The following ECT2L variants were observed in gnomAD, a reference collection of about 807,000 sequenced individuals.
The protein encoded by ECT2L is epithelial cell transforming 2 like, also known as epithelial cell-transforming sequence 2 oncogene-like.
Under a neutral mutation model 122.8 loss-of-function variants are expected in ECT2L, and 126 were observed. The observed-to-expected ratio is 1.03, with a 90% CI of 0.89 to 1.19. The LOEUF is 1.19. Ranked by LOEUF, ECT2L falls within the 50% of genes most tolerant of loss-of-function variation. The pLI is 0.00. For missense variants in ECT2L, 1,012 were observed against 1,064.1 expected (o/e 0.95, Z 0.68); for synonymous variants, 385 against 381.8 (o/e 1.01, Z -0.10).
chr6:138,898,795 T>A (rs1779297521), intron 20 of ECT2L, among the ~76,000 whole-genome samples: 1 of 152,090 alleles, frequency 6.6e-6, no homozygotes, highest in Admixed American at 6.6e-5. Flanking sequence ...TCCCCCCTTA[T>A]CCATGAGAAT....
At position 138,864,819 on chromosome 6, in the gene ECT2L, C is replaced by T. The variant is rs140171203; in HGVS notation, c.1292-177C>T. On this transcript the variant is annotated intron_variant, in intron 11 of 21. Coordinates refer to ENST00000541398, the MANE Select transcript of ECT2L (RefSeq NM_001077706.3). ...TTGAAATGATTCATTGAATCCTTTT[C>T]GAGTTTCTAATTTTACCTTTGAAAA... Among the ~76,000 whole-genome samples the T allele has an allele frequency of 1.5e-3, 234 of 152,250 alleles. 1 individual carries two copies. Among genetic ancestry groups the T allele is most frequent in the African/African-American group, 5.4e-3 (226 of 41,546 alleles).
intron 13 of ECT2L, among the ~76,000 whole-genome samples, chr6:138,873,896 G>GTGTGTGTGTGTGTGTGTGTGTGTGTA (rs1167591342): frequency 1.3e-5 from 2 of 149,694 alleles, no homozygotes; most frequent in Admixed American, 6.6e-5. Flanking sequence ...GTGTGTGTGT[G>GTGTGTGTGTGTGTGTGTGTGTGTGTA]TGTGTGTGTG....
chr6:138,827,199 T>C (rs368888230), intron 4 of ECT2L, among the ~76,000 whole-genome samples: 27 of 152,108 alleles, frequency 1.8e-4, no homozygotes, highest in African/African-American at 6.0e-4. Flanking sequence ...ATACAAAAAA[T>C]TAGCCAGGTG....
At chr6:138,861,117 C>T (rs1011700919) in intron 10 of ECT2L, among the ~76,000 whole-genome samples, 1 of 152,118 alleles carries the variant, frequency 6.6e-6, no homozygotes, top group African/African-American at 2.4e-5. Context: ...TTTTCTTTAT[C>T]CAGTCTACGA....
Position 138,862,295 on chromosome 6 carries a change from G to T in ECT2L, c.1199-332G>T, listed in dbSNP as rs534344738. ...TGGCATCTGCTTGGCATCTGGTGAG[G>T]GCCTCAGGGAGCTTATAATCACGGC... On this transcript the variant is annotated intron_variant, in intron 10 of 21. Transcript: ENST00000541398. Among the ~76,000 whole-genome samples, 7 of 152,248 alleles carry T rather than the reference G, an allele frequency of 4.6e-5. No individual in the cohort carries two copies. In the South Asian group the frequency reaches 1.5e-3, roughly 32 times the overall value.
At chr6:138,885,134 T>C (rs1778771913) in intron 16 of ECT2L, among the ~76,000 whole-genome samples, 1 of 150,186 alleles carries the variant, frequency 6.7e-6, no homozygotes, top group Non-Finnish European at 1.5e-5. Flanking sequence ...GTTCATGCCA[T>C]TCTTCTGCCT....
chr6:138,829,296 T>C (rs560206732), intron 4 of ECT2L, among the ~76,000 whole-genome samples: 1 of 152,206 alleles, frequency 6.6e-6, no homozygotes, highest in African/African-American at 2.4e-5. Flanking sequence ...GTATTAGGTA[T>C]TGCCGTAATA....
Position 138,882,857 on chromosome 6 carries a change from A to G in ECT2L, c.2014A>G (p.Lys672Glu), listed in dbSNP as rs1778689360. The G allele has an allele frequency of 6.2e-7, 1 of 1,614,128 alleles. No individual in the cohort carries two copies. Among genetic ancestry groups the G allele is most frequent in the Non-Finnish European group, 8.5e-7 (1 of 1,180,002 alleles). The change falls in exon 16 of 22, where the codon AAA becomes GAA. Residue 672 changes from lysine (K) to glutamate (E), a missense_variant. Physicochemically the swap from Lys to Glu is moderately conservative, Grantham distance 56 (BLOSUM62 1). Transcript: ENST00000541398. ...NFFNNYPVIL[K>E]TIEKCREMIP... The stretch of plus-strand genomic sequence containing the variant: ...CTTCAACAATTACCCTGTCATTCTG[A>G]AAACTATTGAGAAGGTAAATGAGTT...
Position 138,862,618 on chromosome 6 carries a change from A to G in ECT2L, c.1199-9A>G. The G allele has an allele frequency of 6.2e-7, 1 of 1,613,462 alleles. No homozygotes were observed. The highest frequency in any genetic ancestry group is 8.5e-7 in the Non-Finnish European group (1 of 1,179,416). On this transcript the variant is annotated splice_polypyrimidine_tract_variant and intron_variant, in intron 10 of 21. Transcript: ENST00000541398. The stretch of plus-strand genomic sequence containing the variant: ...GAGGAAACTAACGAAAGTGTTTTTG[A>G]CTATGCAGAGGCAGGAATTGAAGTT...
chr6:138,827,434 T>C (rs1053498418), intron 4 of ECT2L, among the ~76,000 whole-genome samples: 5 of 152,164 alleles, frequency 3.3e-5, no homozygotes, highest in East Asian at 1.9e-4. Flanking sequence ...CTAACACATA[T>C]ACAAACAATA....
At chr6:138,827,669 G>A (rs370795360) in intron 4 of ECT2L, among the ~76,000 whole-genome samples, 21 of 152,186 alleles carry the variant, frequency 1.4e-4, no homozygotes, top group Middle Eastern at 3.4e-3. Flanking sequence ...CAGTCCTCCT[G>A]CCTCTGAGCC....
chr6:138,865,234 C>T (rs1005794968), intron 12 of ECT2L, 56 bp downstream of exon 12: 31 of 1,482,928 alleles, frequency 2.1e-5, no homozygotes, highest in South Asian at 2.8e-5. Context: ...TTTCATATCC[C>T]GAGTAAATAC....
chr6:138,806,511 CTT>C (rs57786220), intron 1 of ECT2L, among the ~76,000 whole-genome samples: 1 of 89,670 alleles, frequency 1.1e-5, no homozygotes, highest in Non-Finnish European at 2.0e-5. Flanking sequence ...AAAATTCACG[CTT>C]TTTTTTTTTT....
At chr6:138,849,720 C>CG (rs1777364843) in intron 9 of ECT2L, among the ~76,000 whole-genome samples, 1 of 151,884 alleles carries the variant, frequency 6.6e-6, no homozygotes, top group Non-Finnish European at 1.5e-5. Context: ...AGGTGTGTGC[C>CG]GCCACGCCCA....
chr6:138,840,766 G>A (rs1777011831), intron 5 of ECT2L, among the ~76,000 whole-genome samples: 1 of 151,854 alleles, frequency 6.6e-6, no homozygotes, highest in South Asian at 2.1e-4. Context: ...TATGTATCTT[G>A]TTTTGTAGTG....
intron 10 of ECT2L, among the ~76,000 whole-genome samples, chr6:138,854,409 A>G (rs1422262195): frequency 1.3e-5 from 2 of 152,174 alleles, no homozygotes; most frequent in African/African-American, 2.4e-5. Flanking sequence ...TATTCTGGAA[A>G]ACACAATAAC....
intron 4 of ECT2L, among the ~76,000 whole-genome samples, chr6:138,826,459 G>A (rs548537980): frequency 2.3e-4 from 35 of 152,084 alleles, no homozygotes; most frequent in Middle Eastern, 3.4e-3. Flanking sequence ...AGGCCGAGGC[G>A]GGAGGTCAAG....
chr6:138,842,284 C>A (rs1384073165), intron 5 of ECT2L, among the ~76,000 whole-genome samples: 5 of 142,554 alleles, frequency 3.5e-5, no homozygotes. Context: ...CAGGGCAAAA[C>A]CCCGCCTCTA....
chr6:138,843,287 T>A (rs1777109088), intron 6 of ECT2L, 56 bp downstream of exon 6: 1 of 1,473,670 alleles, frequency 6.8e-7, no homozygotes, highest in South Asian at 1.5e-5. Flanking sequence ...CACAAATGGA[T>A]TCACATACAA....
Sources: allele counts gnomAD v4.1 joint callset (sites outside exome capture counted in the v4.1 genomes callset), GRCh38; gene constraint gnomAD v4.1.1; transcripts MANE v1.5; gene names NCBI Gene and HGNC (gene_info 2026-07-23, HGNC 2026-07-21).